FUT8: variants seen among roughly 807,000 people sequenced by gnomAD.
The protein encoded by FUT8 is fucosyltransferase 8, also known as alpha-(1,6)-fucosyltransferase.
In FUT8, 29 loss-of-function variants were observed where a neutral mutation model predicts 71.3. The ratio of observed to expected loss-of-function variants is 0.41; its 90% confidence interval spans 0.30 to 0.55. The LOEUF (loss-of-function observed/expected upper bound fraction) is 0.55. Ranked by LOEUF, FUT8 falls within the 20% of genes least tolerant of loss-of-function variation. The pLI is 0.34. For synonymous variants in FUT8, 254 were observed against 239.3 expected, an observed-to-expected ratio of 1.06 and a Z score of -0.57; for missense variants, 544 against 702.1, an observed-to-expected ratio of 0.77 and a Z score of 2.55.
At position 65,643,532 on chromosome 14, in the gene FUT8, T is replaced by A. The variant is rs1247779873; in HGVS notation, c.597+13926T>A. Reference sequence around the variant, plus strand: ...AGCCGGGCGTGGTGGCGGGCACCTGTAGTCTCAGCTACTCAGGAGGCTGAG... The same window carrying A: ...AGCCGGGCGTGGTGGCGGGCACCTGAAGTCTCAGCTACTCAGGAGGCTGAG... On this transcript the variant is annotated intron_variant, in intron 6 of 10. Transcript: ENST00000673929. This position sits in a 1 kb window ranked among gnomAD's most constrained non-coding sequence, Gnocchi z 4.5. Among the ~76,000 whole-genome samples, 1 of 152,022 alleles carries A rather than the reference T, an allele frequency of 6.6e-6. No individual in the cohort carries two copies. Among genetic ancestry groups the A allele is most frequent in the Non-Finnish European group, 1.5e-5 (1 of 67,996 alleles).
At chr14:65,573,932 C>T (rs190678020) in intron 3 of FUT8, among the ~76,000 whole-genome samples, 1 of 152,262 alleles carries the variant, frequency 6.6e-6, no homozygotes, top group East Asian at 1.9e-4. Flanking sequence ...CACAAACTTA[C>T]TATCACACAG....
intron 2 of FUT8, among the ~76,000 whole-genome samples, chr14:65,480,739 C>T (rs773519211): frequency 3.3e-5 from 5 of 151,712 alleles, no homozygotes; most frequent in Non-Finnish European, 5.9e-5. Context: ...CAGGCTGGAG[C>T]GTAGTGGTAC....
chr14:65,498,084 CTG>C (rs2066588370), intron 2 of FUT8, among the ~76,000 whole-genome samples: 1 of 152,248 alleles, frequency 6.6e-6, no homozygotes, highest in African/African-American at 2.4e-5. Context: ...TGCTCAGCCT[CTG>C]TGTTTTCTAC....
intron 3 of FUT8, among the ~76,000 whole-genome samples, chr14:65,611,300 CA>C (rs1175633767): frequency 7.7e-5 from 4 of 52,202 alleles, no homozygotes; most frequent in Admixed American, 2.0e-4. Context: ...CACACACACA[CA>C]CCCCCCAAGT....
chr14:65,575,824 T>C (rs1176368859), intron 3 of FUT8, among the ~76,000 whole-genome samples: 1 of 152,142 alleles, frequency 6.6e-6, no homozygotes, highest in Non-Finnish European at 1.5e-5. Flanking sequence ...TTTGCCATGT[T>C]GGCCAGGCTG....
chr14:65,494,580 A>G (rs1188642901), intron 2 of FUT8, among the ~76,000 whole-genome samples: 4 of 152,124 alleles, frequency 2.6e-5, no homozygotes, highest in Non-Finnish European at 5.9e-5. Context: ...AGGAGGGGCA[A>G]CGTATTTTTT....
chr14:65,518,235 A>G (rs1235360582), intron 2 of FUT8, among the ~76,000 whole-genome samples: 2 of 152,292 alleles, frequency 1.3e-5, no homozygotes, highest in South Asian at 2.1e-4. Flanking sequence ...TTTTAGATTC[A>G]TATTTTCTTT....
intron 2 of FUT8, among the ~76,000 whole-genome samples, chr14:65,496,750 A>G (rs1050486589): frequency 6.6e-6 from 1 of 152,134 alleles, no homozygotes; most frequent in African/African-American, 2.4e-5. Flanking sequence ...CAGTGTGAGA[A>G]TGGACTCTGG....
Position 65,724,293 on chromosome 14 carries a change from A to G in FUT8, c.1229A>G (p.Asp410Gly), listed in dbSNP as rs757706596. Residue 410 changes from aspartate to glycine, a missense_variant, in exon 9 of 11, where the codon GAC (aspartate) becomes GGC (glycine). By Grantham distance (94) the Asp-to-Gly change is moderately conservative. Coordinates refer to ENST00000673929, the MANE Select transcript of FUT8 (RefSeq NM_001371533.1). Reference sequence around the variant, plus strand: ...AAAAGAGTGTATTTGGCCACAGATGACCCTTCTTTATTAAAGGAGGCAAAA... The same window carrying G: ...AAAAGAGTGTATTTGGCCACAGATGGCCCTTCTTTATTAAAGGAGGCAAAA... ...DKKRVYLATD[D>G]PSLLKEAKTK... 3.7e-6 allele frequency: 6 copies of G among 1,609,360 alleles called. No homozygotes were observed. The African/African-American group carries it at 4.0e-5, about 11-fold the overall frequency.
intron 1 of FUT8, among the ~76,000 whole-genome samples, chr14:65,429,288 A>T (rs2065433404): frequency 6.6e-6 from 1 of 152,192 alleles, no homozygotes; most frequent in African/African-American, 2.4e-5. Flanking sequence ...ATGGCTATTA[A>T]ATGATTGAAC....
At chr14:65,437,600 A>T (rs1232714785) in intron 1 of FUT8, among the ~76,000 whole-genome samples, 1 of 152,222 alleles carries the variant, frequency 6.6e-6, no homozygotes, top group Non-Finnish European at 1.5e-5. Flanking sequence ...ACTAGAGTAC[A>T]TGAATTCATA....
At chr14:65,534,241 A>G (rs560966733) in intron 2 of FUT8, among the ~76,000 whole-genome samples, 2 of 151,142 alleles carry the variant, frequency 1.3e-5, no homozygotes, top group Non-Finnish European at 1.5e-5. Flanking sequence ...TCCCACTTCA[A>G]CCTCCTGAAT....
the FUT8 span, among the ~76,000 whole-genome samples, chr14:65,370,806 A>G: frequency 6.6e-6 from 1 of 152,218 alleles, no homozygotes; most frequent in South Asian, 2.1e-4. Flanking sequence ...CATGTGCAGC[A>G]TGCGATAGAA....
chr14:65,733,434 A>T, intron 10 of FUT8, 53 bp downstream of exon 10: 7 of 1,340,696 alleles, frequency 5.2e-6, no homozygotes, highest in Non-Finnish European at 7.0e-6. Flanking sequence ...GTTGTATAGG[A>T]GTCAGAAAAA....
chr14:65,480,185 A>G (rs2066308132), intron 2 of FUT8, among the ~76,000 whole-genome samples: 1 of 151,956 alleles, frequency 6.6e-6, no homozygotes, highest in Non-Finnish European at 1.5e-5. Flanking sequence ...GAGCTTTAGA[A>G]GTGCTTATTG....
At chr14:65,572,441 A>G (rs1207113146) in intron 3 of FUT8, among the ~76,000 whole-genome samples, 2 of 152,218 alleles carry the variant, frequency 1.3e-5, no homozygotes, top group Admixed American at 6.6e-5. Flanking sequence ...TAGCTTGCTG[A>G]AATGTATACA....
chr14:65,449,734 C>G (rs1206320022), intron 1 of FUT8, among the ~76,000 whole-genome samples: 1 of 152,232 alleles, frequency 6.6e-6, no homozygotes, highest in East Asian at 1.9e-4. Context: ...CTCTTCTAGG[C>G]TGTCGCCACC....
At chr14:65,597,271 A>G (rs1280260420) in intron 3 of FUT8, among the ~76,000 whole-genome samples, 1 of 152,196 alleles carries the variant, frequency 6.6e-6, no homozygotes, top group Non-Finnish European at 1.5e-5. Context: ...GCAGCTAACC[A>G]GCATTTTAAA....
chr14:65,421,700 G>A (rs2065296983), intron 1 of FUT8, among the ~76,000 whole-genome samples: 1 of 144,564 alleles, frequency 6.9e-6, no homozygotes, highest in South Asian at 2.2e-4. Context: ...TCTATTTCTT[G>A]AATTTCTCCA....
Sources: gnomAD v4.1 joint callset for allele counts (sites outside exome capture counted in the v4.1 genomes callset) on GRCh38, gnomAD v4.1.1 for gene constraint, Gnocchi (gnomAD v3.1) non-coding constraint, MANE v1.5 for transcripts, NCBI Gene and HGNC (gene_info 2026-07-23, HGNC 2026-07-21) for gene names.